The following AIG1 variants were observed in gnomAD, a reference collection of about 807,000 sequenced individuals.
The protein encoded by AIG1 is androgen induced 1.
In AIG1, 23 loss-of-function variants were observed where a neutral mutation model predicts 31.4. The ratio of observed to expected loss-of-function variants is 0.73; its 90% CI spans 0.53 to 1.04. AIG1 has a LOEUF of 1.04. AIG1 is among the 50% of genes least tolerant of loss of function. The pLI, the probability that AIG1 is intolerant of heterozygous loss-of-function variation, is 0.00. For synonymous variants in AIG1, 100 were observed against 110.5 expected (o/e 0.90, Z 0.60); for missense variants, 274 against 295.0 (o/e 0.93, Z 0.52).
intron 1 of AIG1, among the ~76,000 whole-genome samples, chr6:143,135,559 C>G (rs900059951): frequency 2.0e-5 from 3 of 152,056 alleles, no homozygotes; most frequent in African/African-American, 7.2e-5. Context: ...CCTTAAGTCA[C>G]TGAAGCTAAA....
chr6:143,177,024 G>A (rs1369324497), intron 3 of AIG1, among the ~76,000 whole-genome samples: 1 of 152,150 alleles, frequency 6.6e-6, no homozygotes, highest in African/African-American at 2.4e-5. Context: ...TCCCTAAATG[G>A]ATTATTTTAA....
chr6:143,135,745 C>T (rs1294368250), intron 1 of AIG1, among the ~76,000 whole-genome samples: 1 of 152,190 alleles, frequency 6.6e-6, no homozygotes, highest in East Asian at 1.9e-4. Flanking sequence ...ACCCTATCCA[C>T]AGAGCTTTCA....
chr6:143,187,885 T>C (rs1316620818), intron 3 of AIG1: 21 of 1,386,638 alleles, frequency 1.5e-5, no homozygotes, highest in Non-Finnish European at 2.0e-5. Flanking sequence ...TGTCAAAAAT[T>C]ACCCCTTAAT....
At chr6:143,246,412 C>A (rs544915234) in intron 3 of AIG1, among the ~76,000 whole-genome samples, 1 of 152,072 alleles carries the variant, frequency 6.6e-6, no homozygotes, top group East Asian at 1.9e-4. Context: ...AGGGAAACTC[C>A]CCCTTATAAA....
At chr6:143,157,576 G>A (rs1372185855) in intron 2 of AIG1, among the ~76,000 whole-genome samples, 1 of 151,540 alleles carries the variant, frequency 6.6e-6, no homozygotes, top group Non-Finnish European at 1.5e-5. Context: ...GTTTTTCAGT[G>A]TATCTGGTCC....
At position 143,341,025 on chromosome 6, in the gene AIG1, T is replaced by C. The variant is rs1777838234; in HGVS notation, c.*1349T>C. On this transcript the variant is annotated 3_prime_UTR_variant, in exon 6 of 6. Transcript: ENST00000357847. ...AAAAGTTAATTTAAAATTAGTTACA[T>C]TTAAATGTAATTAAATGCTAAAAAT... Among the ~76,000 whole-genome samples, 1 of 152,218 alleles carries C rather than the reference T, an allele frequency of 6.6e-6. No homozygotes were observed. The highest frequency in any genetic ancestry group is 1.5e-5 in the Non-Finnish European group (1 of 68,030).
chr6:143,173,354 C>T (rs751364773), intron 3 of AIG1, among the ~76,000 whole-genome samples: 8 of 152,192 alleles, frequency 5.3e-5, no homozygotes, highest in Admixed American at 2.0e-4. Context: ...TGAGCTGCTG[C>T]GCCTAGACAG....
At chr6:143,116,318 A>C (rs1343689481) in intron 1 of AIG1, among the ~76,000 whole-genome samples, 1 of 152,140 alleles carries the variant, frequency 6.6e-6, no homozygotes, top group African/African-American at 2.4e-5. Flanking sequence ...GCCTCAAAAC[A>C]TACTTGTGGA....
chr6:143,183,422 C>G (rs1244876221), intron 3 of AIG1, among the ~76,000 whole-genome samples: 1 of 152,138 alleles, frequency 6.6e-6, no homozygotes, highest in Non-Finnish European at 1.5e-5. Flanking sequence ...CCTCAATCTC[C>G]TGACCTCATG....
intron 3 of AIG1, among the ~76,000 whole-genome samples, chr6:143,247,571 G>C (rs1583617661): frequency 6.6e-6 from 1 of 152,198 alleles, no homozygotes; most frequent in Non-Finnish European, 1.5e-5. Flanking sequence ...TACCAGCCAG[G>C]ACTTTCTAAG....
intron 1 of AIG1, among the ~76,000 whole-genome samples, chr6:143,079,980 TG>T (rs1337100177): frequency 1.3e-5 from 2 of 152,202 alleles, no homozygotes; most frequent in African/African-American, 4.8e-5. Context: ...TAGCCTAATT[TG>T]TATTTTAGTG....
intron 1 of AIG1, among the ~76,000 whole-genome samples, chr6:143,078,421 T>C (rs1777920114): frequency 6.6e-6 from 1 of 152,248 alleles, no homozygotes; most frequent in Non-Finnish European, 1.5e-5. Context: ...GCTCTTTGTA[T>C]GTCAAATTGT....
chr6:143,202,424 G>A (rs1372738485), intron 3 of AIG1, among the ~76,000 whole-genome samples: 3 of 152,138 alleles, frequency 2.0e-5, no homozygotes, highest in Admixed American at 6.6e-5. Context: ...ATAGCCAGGA[G>A]CCAGGGTTGG....
chr6:143,081,218 C>A (rs1356517674), intron 1 of AIG1, among the ~76,000 whole-genome samples: 1 of 152,126 alleles, frequency 6.6e-6, no homozygotes, highest in Non-Finnish European at 1.5e-5. Flanking sequence ...GTGTTTCATT[C>A]ATTTTCTCAA....
chr6:143,230,523 TATA>T (rs931817714), intron 3 of AIG1, among the ~76,000 whole-genome samples: 6 of 149,992 alleles, frequency 4.0e-5, no homozygotes, highest in Non-Finnish European at 5.9e-5. Flanking sequence ...TTTTTTCTTT[TATA>T]ATAATCATAT....
chr6:143,342,991 C>G, downstream of AIG1: 1 of 967,716 alleles, frequency 1.0e-6, no homozygotes, highest in Non-Finnish European at 1.7e-6. Flanking sequence ...GGCAGTGTAC[C>G]TATCTGCAGG....
At chr6:143,266,363 A>AT (rs746458463) in intron 3 of AIG1, among the ~76,000 whole-genome samples, 9,414 of 150,614 alleles carry the variant, frequency 0.063, 345 homozygotes, top group South Asian at 0.14. Flanking sequence ...AAAAAAAAAA[A>AT]AAGAATAATA....
intron 3 of AIG1, among the ~76,000 whole-genome samples, chr6:143,271,501 G>T (rs987714535): frequency 6.6e-6 from 1 of 152,118 alleles, no homozygotes; most frequent in African/African-American, 2.4e-5. Context: ...GCTAGTAGAC[G>T]TTTGCCAATC....
Position 143,330,524 on chromosome 6 carries a change from C to G in AIG1, c.516-2758C>G, listed in dbSNP as rs1030480947. On this transcript the variant is annotated intron_variant, in intron 4 of 5. Coordinates refer to ENST00000357847, the MANE Select transcript of AIG1 (RefSeq NM_016108.4). The surrounding 1 kb of genome is among the most constrained non-coding windows in gnomAD (Gnocchi z 4.4). ...GTTGATGGGCTGGAGTGGCGGGGAA[C>G]GATGGGGAGAATAACAGGAGATTAA... Among the ~76,000 whole-genome samples the G allele has an allele frequency of 6.6e-6, 1 of 151,682 alleles. No individual in the cohort carries two copies. The highest frequency in any genetic ancestry group is 6.6e-5 in the Admixed American group (1 of 15,242).
Sources: allele counts gnomAD v4.1 joint callset (sites outside exome capture counted in the v4.1 genomes callset), GRCh38; gene constraint gnomAD v4.1.1; non-coding constraint Gnocchi (gnomAD v3.1); transcripts MANE v1.5; gene names NCBI Gene and HGNC (gene_info 2026-07-23, HGNC 2026-07-21).